The following PSMC3 variants were observed in gnomAD, a reference collection of about 807,000 sequenced individuals.
PSMC3 encodes the protein 26S proteasome regulatory subunit 6A.
A neutral mutation model predicts 52.0 loss-of-function variants in PSMC3; 11 were observed. That is an observed-to-expected ratio of 0.21 (90% CI 0.13 to 0.35). The LOEUF is 0.35. Ranked by LOEUF, PSMC3 falls within the 10% of genes least tolerant of loss-of-function variation. The pLI, the probability that PSMC3 is intolerant of heterozygous loss-of-function variation, is 1.00. For missense variants in PSMC3, 238 were observed against 567.1 expected (o/e 0.42, Z 5.89); for synonymous variants, 201 against 218.8 (o/e 0.92, Z 0.72).
rs958583928 is a variant in PSMC3, at chr11:47,424,281, G to A, written c.454-98C>T. 7.6e-6 allele frequency: 12 copies of A among 1,575,048 alleles called. No individual in the cohort carries two copies. Among genetic ancestry groups the A allele is most frequent in the Admixed American group, 3.3e-5 (2 of 59,756 alleles). The stretch of plus-strand genomic sequence containing the variant: ...CTGCAGAGGGAAAGACACAGGACTG[G>A]GCAATACAAGAATCAAACAGCAAGT... On this transcript the variant is annotated intron_variant, in intron 5 of 11. Transcript: ENST00000298852. This position sits in a 1 kb window ranked among gnomAD's most constrained non-coding sequence, Gnocchi z 4.8.
chr11:47,418,906 G>A lies in PSMC3; in HGVS notation c.1249C>T (p.His417Tyr). ...ALRRGATELT[H>Y]EDYMEGILEV... ...AGGATGCCTTCCATGTAGTCCTCGT[G>A]GGTGAGCTCCGTGGCACCCCTGCGC... is the stretch of plus-strand genomic sequence containing the variant. Residue 417 changes from histidine to tyrosine, a missense_variant, in exon 12 of 12, where the codon CAC (histidine) becomes TAC (tyrosine). Physicochemically the swap from His to Tyr is moderately conservative, Grantham distance 83. Around this residue, in one of 6 missense-constraint regions of PSMC3, gnomAD observed 23 missense variants for 64.6 expected, o/e 0.36. Coordinates refer to ENST00000298852, the MANE Select transcript of PSMC3 (RefSeq NM_002804.5). 1.9e-6 allele frequency: 3 copies of A among 1,614,182 alleles called. No homozygotes were observed. The highest frequency in any genetic ancestry group is 2.5e-6 in the Non-Finnish European group (3 of 1,180,022).
chr11:47,423,111 G>A (rs1424942595), intron 6 of PSMC3, 138 bp from the exon 7 acceptor site: 12 of 984,664 alleles, frequency 1.2e-5, no homozygotes, highest in Admixed American at 2.6e-5. Context: ...ATATCAAGAG[G>A]ACACAAGGCT....
chr11:47,421,249 CAAAAAAA>C (rs56344837), intron 8 of PSMC3, among the ~76,000 whole-genome samples: 9 of 61,404 alleles, frequency 1.5e-4, no homozygotes, highest in Admixed American at 5.3e-4. Flanking sequence ...GACTCCATCT[CAAAAAAA>C]AAAAAAAAAA....
At chr11:47,419,277 T>A in intron 10 of PSMC3, 80 bp from the exon 11 acceptor site, 1 of 1,474,402 alleles carries the variant, frequency 6.8e-7, no homozygotes, top group Non-Finnish European at 9.4e-7. Context: ...CCTGGCCCCG[T>A]CAAGCAACAA....
At chr11:47,420,203 T>C (rs2096038744) in intron 10 of PSMC3, 61 bp downstream of exon 10, 7 of 1,581,218 alleles carry the variant, frequency 4.4e-6, no homozygotes, top group East Asian at 4.5e-5. Context: ...CAGAGAAGCA[T>C]GGCAGAGACA....
At chr11:47,423,261 G>A (rs1480960253) in intron 6 of PSMC3, among the ~76,000 whole-genome samples, 4 of 152,244 alleles carry the variant, frequency 2.6e-5, no homozygotes, top group South Asian at 2.1e-4. Flanking sequence ...TTAGCCGGGC[G>A]GGGTGGTCGG....
rs1202682488 is a variant in PSMC3 at position 47,424,193 on chromosome 11, C to G, written c.454-10G>C. 6.2e-7 allele frequency: 1 copy of G among 1,614,122 alleles called. No individual in the cohort carries two copies. The highest frequency in any genetic ancestry group is 8.5e-7 in the Non-Finnish European group (1 of 1,180,052). On this transcript the variant is annotated splice_polypyrimidine_tract_variant and intron_variant, in intron 5 of 11. Transcript: ENST00000298852. The surrounding 1 kb of genome is among the most constrained non-coding windows in gnomAD (Gnocchi z 4.8). ...AGTCTTTGTTCACACCCTAAGGACA[C>G]AGCACAGGGCCTTCAGATTTGGCCC... is the stretch of plus-strand genomic sequence containing the variant.
chr11:47,421,948 A>G (rs1226977314), intron 8 of PSMC3, among the ~76,000 whole-genome samples: 1 of 151,914 alleles, frequency 6.6e-6, no homozygotes, highest in Middle Eastern at 3.2e-3. Context: ...CACTGCACCC[A>G]GCCAGGGTTT....
At chr11:47,421,144 TCGGGA>T in intron 8 of PSMC3, among the ~76,000 whole-genome samples, 1 of 145,852 alleles carries the variant, frequency 6.9e-6, no homozygotes, top group Non-Finnish European at 1.5e-5. Flanking sequence ...TCTCAGCTAC[TCGGGA>T]CACTGAGGCA....
rs1250096161 is a variant in PSMC3 at position 47,424,111 on chromosome 11, C to G, written c.526G>C (p.Glu176Gln). Residue 176 changes from glutamate (E) to glutamine (Q), a missense_variant, in exon 6 of 12, where the codon GAG becomes CAG. By Grantham distance (29) the Glu-to-Gln change is conservative. Coordinates refer to ENST00000298852, the MANE Select transcript of PSMC3 (RefSeq NM_002804.5). The surrounding 1 kb of genome is among the most constrained non-coding windows in gnomAD (Gnocchi z 4.8). Reference sequence around the variant, plus strand: ...TGCTCCGTGGGCCTCTCGTCTACCTCCATGGCCTTCACCCGCGAGTCATAC... The same window carrying G: ...TGCTCCGTGGGCCTCTCGTCTACCTGCATGGCCTTCACCCGCGAGTCATAC... ...TEYDSRVKAM[E>Q]VDERPTEQYS... 1 of 1,614,076 alleles carries G rather than the reference C, an allele frequency of 6.2e-7. No homozygotes were observed. Among genetic ancestry groups the G allele is most frequent in the African/African-American group, 1.3e-5 (1 of 74,916 alleles).
At chr11:47,423,791 GA>G (rs35942756) in intron 6 of PSMC3, among the ~76,000 whole-genome samples, 134,573 of 142,218 alleles carry the variant, frequency 0.95, 63,986 homozygotes, top group East Asian at 1. Flanking sequence ...CTCCATCTCG[GA>G]AAAAAAAAAA....
chr11:47,421,263 A>G (rs1464281588), intron 8 of PSMC3, among the ~76,000 whole-genome samples: 1 of 151,058 alleles, frequency 6.6e-6, no homozygotes, highest in Admixed American at 6.6e-5. Flanking sequence ...AAAAAAAAAA[A>G]AAAAAAAAAA....
At position 47,421,342 on chromosome 11, in the gene PSMC3, T is replaced by G. The variant is rs3781626; in HGVS notation, c.885-615A>C. ...TACACTTGCAAACTGAGCTAACGCT[T>G]AAAAACACAGGTATCTGGCCCAGCC... On this transcript the variant is annotated intron_variant, in intron 8 of 11. Coordinates refer to ENST00000298852, the MANE Select transcript of PSMC3 (RefSeq NM_002804.5). Among the ~76,000 whole-genome samples, 4 of 151,134 alleles carry G rather than the reference T, an allele frequency of 2.6e-5. No individual in the cohort carries two copies. The East Asian group carries it at 7.8e-4, about 29-fold the overall frequency.
chr11:47,422,998 G>A lies in PSMC3; in HGVS notation c.592-25C>T. ...GCTGCCAGGAGGAAGTCCTGGGTGAGGAGATGAAGCCCTGAGGGCTTCTAC... is the reference window on the plus strand; with the variant it reads ...GCTGCCAGGAGGAAGTCCTGGGTGAAGAGATGAAGCCCTGAGGGCTTCTAC... On this transcript the variant is annotated intron_variant, in intron 6 of 11. Transcript: ENST00000298852. The surrounding 1 kb of genome is among the most constrained non-coding windows in gnomAD (Gnocchi z 4.3). 6.3e-7 allele frequency: 1 copy of A among 1,593,086 alleles called. No homozygotes were observed.
At position 47,419,146 on chromosome 11, in the gene PSMC3, C is replaced by A; in HGVS notation, c.1179G>T (p.Gly393=). ...CCACACACACAGCCTTGCACTGGGCCCCATTGAAGTCATCTGTGCAGCGGG... is the reference window on the plus strand; with the variant it reads ...CCACACACACAGCCTTGCACTGGGCACCATTGAAGTCATCTGTGCAGCGGG... The part of the protein sequence containing the change: ...ELARCTDDFN[G]AQCKAVCVEA... The change falls in exon 11 of 12, where the codon GGG becomes GGT. Residue 393 remains glycine (G), a synonymous_variant. Coordinates refer to ENST00000298852, the MANE Select transcript of PSMC3 (RefSeq NM_002804.5). The A allele has an allele frequency of 6.2e-7, 1 of 1,614,174 alleles. No individual in the cohort carries two copies. Among genetic ancestry groups the A allele is most frequent in the South Asian group, 1.1e-5 (1 of 91,088 alleles).
Position 47,418,829 on chromosome 11 carries a change from T to C in PSMC3, c.*6A>G. On this transcript the variant is annotated 3_prime_UTR_variant, in exon 12 of 12. Transcript: ENST00000298852. Reference sequence around the variant, plus strand: ...CAGCCGTGAGACTGGGGCTGGCCTGTGTGCCCTAGGCGTAGTATTGTAGGT... The same window carrying C: ...CAGCCGTGAGACTGGGGCTGGCCTGCGTGCCCTAGGCGTAGTATTGTAGGT... 6.2e-7 allele frequency: 1 copy of C among 1,611,236 alleles called. No homozygotes were observed. Among genetic ancestry groups the C allele is most frequent in the Non-Finnish European group, 8.5e-7 (1 of 1,177,386 alleles).
chr11:47,426,188 G>C lies in PSMC3; in HGVS notation c.75+17C>G. The C allele has an allele frequency of 1.3e-6, 2 of 1,554,208 alleles. No individual in the cohort carries two copies. On this transcript the variant is annotated intron_variant, in intron 1 of 11. Transcript: ENST00000298852. ...GCGGGCCCCGGTTCCCGGACCGCCAGCTCGCCCGGTGCCCACCTCGGCCTC... is the reference window on the plus strand; with the variant it reads ...GCGGGCCCCGGTTCCCGGACCGCCACCTCGCCCGGTGCCCACCTCGGCCTC...
chr11:47,421,863 G>A (rs1031281211), intron 8 of PSMC3, among the ~76,000 whole-genome samples: 2 of 151,804 alleles, frequency 1.3e-5, no homozygotes, highest in African/African-American at 4.8e-5. Flanking sequence ...TGTTGGCCAG[G>A]CTGGTCTCGA....
chr11:47,422,079 T>A lies in PSMC3; in HGVS notation c.884+495A>T, dbSNP rs867212491. On this transcript the variant is annotated intron_variant, in intron 8 of 11. Coordinates refer to ENST00000298852, the MANE Select transcript of PSMC3 (RefSeq NM_002804.5). This position sits in a 1 kb window ranked among gnomAD's most constrained non-coding sequence, Gnocchi z 4.3. ...TTTTTTTTGAGACAGAGTCTCACTCTTTCACCAGGCTGGAGTGCAGTGGCG... is the reference window on the plus strand; with the variant it reads ...TTTTTTTTGAGACAGAGTCTCACTCATTCACCAGGCTGGAGTGCAGTGGCG... Among the ~76,000 whole-genome samples the A allele has an allele frequency of 4.0e-5, 6 of 151,596 alleles. No homozygotes were observed. In the South Asian group the frequency reaches 1.3e-3, roughly 32 times the overall value.
Sources: gnomAD v4.1 joint callset for allele counts (sites outside exome capture counted in the v4.1 genomes callset) on GRCh38, gnomAD v4.1.1 for gene constraint, gnomAD v4.1.1 regional missense constraint, Gnocchi (gnomAD v3.1) non-coding constraint, MANE v1.5 for transcripts, NCBI Gene and HGNC (gene_info 2026-07-23, HGNC 2026-07-21) for gene names.